Variants in MYOZ1 observed in about 807,000 individuals in gnomAD.
MYOZ1 encodes myozenin-1.
A neutral mutation model predicts 28.7 loss-of-function variants in MYOZ1; 20 were observed. That is an observed-to-expected ratio of 0.70 (90% CI 0.49 to 1.01). MYOZ1 has a LOEUF of 1.01. MYOZ1 is among the 50% of genes least tolerant of loss of function. The probability of loss-of-function intolerance (pLI) is 0.00; values close to 1 mark genes in which losing one functional copy is unlikely to be tolerated. For synonymous variants in MYOZ1, 144 were observed against 145.8 expected, an observed-to-expected ratio of 0.99 and a Z score of 0.09; for missense variants, 371 against 372.4, an observed-to-expected ratio of 1.00 and a Z score of 0.03.
intron 2 of MYOZ1, among the ~76,000 whole-genome samples, chr10:73,639,215 C>T (rs1006718403): frequency 3.3e-5 from 5 of 151,754 alleles, no homozygotes; most frequent in Non-Finnish European, 7.4e-5. Flanking sequence ...CTCCACCTCC[C>T]GGGTTCAAGC....
chr10:73,632,335 C>T (rs1394659654), intron 5 of MYOZ1, among the ~76,000 whole-genome samples, 174 bp from the exon 6 acceptor site: 2 of 152,006 alleles, frequency 1.3e-5, no homozygotes, highest in Non-Finnish European at 2.9e-5. Context: ...AGCTTGTTTC[C>T]CCAAAGCTAA....
intron 2 of MYOZ1, among the ~76,000 whole-genome samples, chr10:73,638,334 T>C (rs915334649): frequency 6.6e-6 from 1 of 150,464 alleles, no homozygotes; most frequent in Admixed American, 6.6e-5. Flanking sequence ...TTTTTTATTC[T>C]TTTTTTTCAT....
At chr10:73,635,204 G>A (rs1004826635) in intron 3 of MYOZ1, among the ~76,000 whole-genome samples, 1 of 151,698 alleles carries the variant, frequency 6.6e-6, no homozygotes, top group African/African-American at 2.4e-5. Flanking sequence ...GATTACAGGC[G>A]TTAGCCACCG....
At chr10:73,634,298 T>A (rs1189080446) in intron 4 of MYOZ1, among the ~76,000 whole-genome samples, 186 bp downstream of exon 4, 1 of 152,084 alleles carries the variant, frequency 6.6e-6, no homozygotes, top group Non-Finnish European at 1.5e-5. Flanking sequence ...AATAGACACA[T>A]CTCTATATAC....
intron 5 of MYOZ1, 63 bp downstream of exon 5, chr10:73,633,837 T>C: frequency 2.0e-6 from 3 of 1,503,822 alleles, no homozygotes; most frequent in Non-Finnish European, 2.7e-6. Flanking sequence ...TTAGTCTCCA[T>C]CCTAACTAAA....
Position 73,632,138 on chromosome 10 carries a change from T to C in MYOZ1, c.692A>G (p.Tyr231Cys). The C allele has an allele frequency of 6.2e-7, 1 of 1,614,182 alleles. No homozygotes were observed. The highest frequency in any genetic ancestry group is 8.5e-7 in the Non-Finnish European group (1 of 1,180,032). Residue 231 changes from tyrosine to cysteine, a missense_variant, in exon 6 of 6, where the codon TAT becomes TGT. Tyr to Cys is a radical substitution (Grantham distance 194, BLOSUM62 -2). Transcript: ENST00000359322. ...GGTCATGCGTTTGGAGGCCTTCTCA[T>C]ATCCACCATAGGGCATTGCCGTCCT... ...FNRTAMPYGG[Y>C]EKASKRMTFQ...
chr10:73,638,851 A>G (rs997858891), intron 2 of MYOZ1, among the ~76,000 whole-genome samples: 1 of 147,562 alleles, frequency 6.8e-6, no homozygotes, highest in South Asian at 2.2e-4. Context: ...ATTTTTGTAG[A>G]GACAGGGTTT....
chr10:73,640,508 T>G (rs565222917), intron 1 of MYOZ1, among the ~76,000 whole-genome samples: 2 of 152,308 alleles, frequency 1.3e-5, no homozygotes, highest in African/African-American at 4.8e-5. Context: ...GCTTCTCTTT[T>G]CTTGGGATAC....
At position 73,631,934 on chromosome 10, in the gene MYOZ1, A is replaced by C; in HGVS notation, c.896T>G (p.Leu299Arg). The C allele has an allele frequency of 1.2e-6, 2 of 1,613,356 alleles. No individual in the cohort carries two copies. The highest frequency in any genetic ancestry group is 1.7e-6 in the Non-Finnish European group (2 of 1,179,376). Residue 299 changes from leucine (L) to arginine (R), a missense_variant, in exon 6 of 6, where the codon CTG becomes CGG. By Grantham distance (102) the Leu-to-Arg change is moderately radical. Transcript: ENST00000359322. ...GIPLDGETEE[L>R] is the part of the protein sequence containing the mutation. Reference sequence around the variant, plus strand: ...CAAATCAGAGGAGGAAACACCTCACAGCTCCTCTGTTTCTCCATCCAAGGG... The same window carrying C: ...CAAATCAGAGGAGGAAACACCTCACCGCTCCTCTGTTTCTCCATCCAAGGG...
At position 73,634,520 on chromosome 10, in the gene MYOZ1, C is replaced by G. The variant is rs764913136; in HGVS notation, c.466G>C (p.Ala156Pro). 6.2e-7 allele frequency: 1 copy of G among 1,614,202 alleles called. No individual in the cohort carries two copies. Among genetic ancestry groups the G allele is most frequent in the Non-Finnish European group, 8.5e-7 (1 of 1,180,032 alleles). The change falls in exon 4 of 6, where the codon GCT becomes CCT. Residue 156 changes from alanine to proline, a missense_variant. Transcript: ENST00000359322. ...GPAGQAGRGG[A>P]AGTAGVGETG... ...TCACCAACCCCTGCTGTGCCAGCAG[C>G]TCCTCCTCTGCCAGCCTGGCCCGCG...
chr10:73,632,492 C>A (rs570947359), intron 5 of MYOZ1, among the ~76,000 whole-genome samples: 2 of 151,954 alleles, frequency 1.3e-5, no homozygotes, highest in African/African-American at 2.4e-5. Flanking sequence ...AGGTGCGGTG[C>A]GGTGGCTCAC....
At chr10:73,639,693 G>C (rs1394929801) in intron 2 of MYOZ1, among the ~76,000 whole-genome samples, 3 of 152,136 alleles carry the variant, frequency 2.0e-5, no homozygotes, top group African/African-American at 7.2e-5. Context: ...CATGGGTCCT[G>C]TGGTCCTGGA....
At position 73,632,099 on chromosome 10, in the gene MYOZ1, T is replaced by C. The variant is rs1264327622; in HGVS notation, c.731A>G (p.Lys244Arg). 4 of 1,614,178 alleles carry C rather than the reference T, an allele frequency of 2.5e-6. No homozygotes were observed. The highest frequency in any genetic ancestry group is 3.4e-6 in the Non-Finnish European group (4 of 1,180,036). The change falls in exon 6 of 6, where the codon AAG (lysine) becomes AGG (arginine). Residue 244 changes from lysine to arginine, a missense_variant. By Grantham distance (26) the Lys-to-Arg change is conservative. Transcript: ENST00000359322. ...ASKRMTFQMP[K>R]FDLGPLLSEP... ...ACTCAGCAAGGGCCCCAGGTCAAAC[T>C]TGGGCATCTGGAAGGTCATGCGTTT...
chr10:73,638,906 T>C lies in MYOZ1; in HGVS notation c.74-984A>G, dbSNP rs961117634. ...GTCTTGAACTTCTGACCTCAGATGA[T>C]TGGCCCACCTCAGCCTCCCAAAGTG... On this transcript the variant is annotated intron_variant, in intron 2 of 5. Coordinates refer to ENST00000359322, the MANE Select transcript of MYOZ1 (RefSeq NM_021245.4). Among the ~76,000 whole-genome samples the C allele has an allele frequency of 6.0e-5, 9 of 150,802 alleles. No individual in the cohort carries two copies. The Middle Eastern group carries it at 0.01, about 173-fold the overall frequency.
chr10:73,632,153 A>G lies in MYOZ1; in HGVS notation c.677T>C (p.Met226Thr). The G allele has an allele frequency of 6.2e-7, 1 of 1,614,088 alleles. No individual in the cohort carries two copies. The highest frequency in any genetic ancestry group is 8.5e-7 in the Non-Finnish European group (1 of 1,179,932). Residue 226 changes from methionine to threonine, a missense_variant, in exon 6 of 6, where the codon ATG becomes ACG. Transcript: ENST00000359322. ...GGCCTTCTCATATCCACCATAGGGC[A>G]TTGCCGTCCTGAGAAGGGGACACAT... is the stretch of plus-strand genomic sequence containing the variant. The part of the protein sequence containing the change: ...PKYKSFNRTA[M>T]PYGGYEKASK...
In MYOZ1 at chr10:73,639,478, A is replaced by G. The variant is rs536437911; in HGVS notation, c.73+467T>C. Among the ~76,000 whole-genome samples the G allele has an allele frequency of 8.8e-4, 134 of 152,270 alleles. 3 individuals are homozygous for G. The highest frequency in any genetic ancestry group is 1.5e-3 in the South Asian group (7 of 4,820). On this transcript the variant is annotated intron_variant, in intron 2 of 5. Coordinates refer to ENST00000359322, the MANE Select transcript of MYOZ1 (RefSeq NM_021245.4). ...TTTCCCTCAGTGAGCTCTGGCTCCA[A>G]AGAGTCTCTAGGTATTGAAGAGCTC...
chr10:73,640,699 A>G (rs1299842301), intron 1 of MYOZ1, among the ~76,000 whole-genome samples: 1 of 152,146 alleles, frequency 6.6e-6, no homozygotes, highest in Non-Finnish European at 1.5e-5. Context: ...TGAAGTTTTT[A>G]TTTGCACTGG....
intron 2 of MYOZ1, among the ~76,000 whole-genome samples, chr10:73,638,496 C>T (rs754555807): frequency 6.6e-6 from 1 of 151,180 alleles, no homozygotes; most frequent in South Asian, 2.1e-4. Context: ...CCATCCCTGG[C>T]TGATTTTTAT....
At chr10:73,632,251 G>T in intron 5 of MYOZ1, 90 bp from the exon 6 acceptor site, 2 of 1,189,816 alleles carry the variant, frequency 1.7e-6, no homozygotes, top group Non-Finnish European at 2.4e-6. Flanking sequence ...GAATAGGGAA[G>T]TCTGTGAATT....
Sources: allele counts gnomAD v4.1 joint callset (sites outside exome capture counted in the v4.1 genomes callset), GRCh38; gene constraint gnomAD v4.1.1; transcripts MANE v1.5; gene names NCBI Gene and HGNC (gene_info 2026-07-23, HGNC 2026-07-21).